ELMO3: variants seen among roughly 807,000 people sequenced by gnomAD.
ELMO3 encodes the protein engulfment and cell motility 3, also known as engulfment and cell motility protein 3.
In ELMO3, 81 loss-of-function variants were observed where a neutral mutation model predicts 89.0. That is an observed-to-expected ratio of 0.91 (90% CI 0.76 to 1.09). The LOEUF (loss-of-function observed/expected upper bound fraction) is 1.09, where lower values mean the gene tolerates loss of function less well. Ranked by LOEUF, ELMO3 falls within the 50% of genes least tolerant of loss-of-function variation. The probability of loss-of-function intolerance (pLI) is 0.00; values close to 1 mark genes in which losing one functional copy is unlikely to be tolerated. For missense variants in ELMO3, 959 were observed against 972.8 expected, an observed-to-expected ratio of 0.99 and a Z score of 0.19; for synonymous variants, 406 against 400.6, an observed-to-expected ratio of 1.01 and a Z score of -0.16.
At chr16:67,199,903 C>A (rs761257083) in intron 3 of ELMO3, 48 bp from the exon 4 acceptor site, 8 of 1,613,434 alleles carry the variant, frequency 5.0e-6, no homozygotes, top group Non-Finnish European at 6.8e-6. Context: ...GTTGATCAGT[C>A]CTCGGAGCCC....
At position 67,202,999 on chromosome 16, in the gene ELMO3, G is replaced by A. The variant is rs764912041; in HGVS notation, c.1670G>A (p.Arg557His). Residue 557 changes from arginine to histidine, a missense_variant, in exon 16 of 20, where the codon CGC (arginine) becomes CAC (histidine). Physicochemically the swap from Arg to His is conservative, Grantham distance 29. Coordinates refer to ENST00000393997, the MANE Select transcript of ELMO3 (RefSeq NM_024712.5). ...TTCCGCAAGATCAGCAGCCGGCGGC[G>A]CCAGGGTCTCTGAATGGGCATGGGC... ...TLFRKISSRRRQDKLWFCCLS... is the reference protein window; with the variant it reads ...TLFRKISSRRHQDKLWFCCLS... The A allele has an allele frequency of 3.1e-6, 5 of 1,605,354 alleles. No homozygotes were observed. Among genetic ancestry groups the A allele is most frequent in the East Asian group, 2.2e-5 (1 of 44,860 alleles).
Position 67,202,010 on chromosome 16 carries a change from C to A in ELMO3, c.1084C>A (p.Pro362Thr). The change falls in exon 12 of 20, where the codon CCC becomes ACC. Residue 362 changes from proline (P) to threonine (T), a missense_variant. Pro to Thr is a conservative substitution (Grantham distance 38). Transcript: ENST00000393997. ...CCCAGCACAGGACCTGGAGCGCGTG[C>A]CCCCCGGTCTGCTGGCCCTGGACAA... ...SNPAQDLERV[P>T]PGLLALDNML... 1 of 1,613,198 alleles carries A rather than the reference C, an allele frequency of 6.2e-7. No individual in the cohort carries two copies. The highest frequency in any genetic ancestry group is 8.5e-7 in the Non-Finnish European group (1 of 1,180,012).
chr16:67,200,388 G>GGAGATGGTGGGTCTTTCT, intron 5 of ELMO3, 27 bp downstream of exon 5: 1 of 1,612,330 alleles, frequency 6.2e-7, no homozygotes, highest in Non-Finnish European at 8.5e-7. Context: ...GTGGGCTGGG[G>GGAGATGGTGGGTCTTTCT]GAGATGGTGG....
At position 67,203,249 on chromosome 16, in the gene ELMO3, G is replaced by A; in HGVS notation, c.1780+26G>A. On this transcript the variant is annotated intron_variant, in intron 17 of 19. Transcript: ENST00000393997. The surrounding 1 kb of genome is among the most constrained non-coding windows in gnomAD (Gnocchi z 4.6). ...GTAAGGCGGGCAGGGGCGGGGGCCA[G>A]ATACCTGCTCTCCCCAGACCGCCCT... The A allele has an allele frequency of 1.9e-6, 3 of 1,596,086 alleles. No individual in the cohort carries two copies. Among genetic ancestry groups the A allele is most frequent in the Non-Finnish European group, 1.7e-6 (2 of 1,175,162 alleles).
intron 1 of ELMO3, 44 bp from the exon 2 acceptor site, chr16:67,199,509 A>G: frequency 2.2e-6 from 1 of 457,702 alleles, no homozygotes; most frequent in Non-Finnish European, 3.3e-6. Context: ...GCTCCTCCCC[A>G]TCCCTCCCTG....
At position 67,199,750 on chromosome 16, in the gene ELMO3, C is replaced by A; in HGVS notation, c.186C>A (p.Thr62=). Residue 62 remains threonine, a synonymous_variant, in exon 3 of 20, where the codon ACC becomes ACA. Transcript: ENST00000393997. The part of the protein sequence containing the change: ...QFADGHRRYI[T]ENNRAEIKNG... ...CGGATGGGCACCGGAGATACATCAC[C>A]GAGAATGTGAGTCCCCTCTCCCCAG... is the stretch of plus-strand genomic sequence containing the variant. 2 of 1,611,062 alleles carry A rather than the reference C, an allele frequency of 1.2e-6. No individual in the cohort carries two copies. The highest frequency in any genetic ancestry group is 8.5e-7 in the Non-Finnish European group (1 of 1,179,630).
chr16:67,202,782 C>T lies in ELMO3; in HGVS notation c.1554C>T (p.Pro518=), dbSNP rs1157495860. The change falls in exon 15 of 20, where the codon CCC becomes CCT. Residue 518 remains proline (P), a synonymous_variant. Transcript: ENST00000393997. ...ERLHQEGTLA[P]PILELREKLK... The stretch of plus-strand genomic sequence containing the variant: ...TGCACCAGGAGGGCACACTGGCTCC[C>T]CCTATACTGTGAGTCTGGGGGGATG... 2 of 1,613,336 alleles carry T rather than the reference C, an allele frequency of 1.2e-6. No homozygotes were observed. The highest frequency in any genetic ancestry group is 1.7e-5 in the Admixed American group (1 of 60,008).
At position 67,199,194 on chromosome 16, in the gene ELMO3, C is replaced by A. The variant is rs767577798; in HGVS notation, c.-133C>A. 6.2e-7 allele frequency: 1 copy of A among 1,610,948 alleles called. No homozygotes were observed. ...TGGCCAGGAGCAGCAGTCTGGGCCG[C>A]GAGTGCGGGACACCGAGGTCAGGTC... On this transcript the variant is annotated 5_prime_UTR_variant, in exon 1 of 20. Transcript: ENST00000393997.
Position 67,201,631 on chromosome 16 carries a change from C to G in ELMO3, c.907C>G (p.Pro303Ala), listed in dbSNP as rs774323005. The G allele has an allele frequency of 6.2e-7, 1 of 1,612,688 alleles. No homozygotes were observed. Among genetic ancestry groups the G allele is most frequent in the South Asian group, 1.1e-5 (1 of 91,068 alleles). ...LEPRMRTPLD[P>A]YSQEQREQLQ... is the part of the protein sequence containing the mutation. ...GCCGCGCATGCGGACGCCCCTGGAC[C>G]CCTACAGCCAGGTGTGTGTCTTTGG... Residue 303 changes from proline to alanine, a missense_variant, in exon 10 of 20, where the codon CCC (proline) becomes GCC (alanine). Pro to Ala is a conservative substitution (Grantham distance 27, BLOSUM62 -1). Transcript: ENST00000393997.
Position 67,199,217 on chromosome 16 carries a change from G to T in ELMO3, c.-110G>T. ...CGCGAGTGCGGGACACCGAGGTCAG[G>T]TCTCGGAAAGGGAGGACCTCCTCGT... On this transcript the variant is annotated 5_prime_UTR_variant, in exon 1 of 20. Transcript: ENST00000393997. 6.2e-7 allele frequency: 1 copy of T among 1,611,370 alleles called. No individual in the cohort carries two copies. The highest frequency in any genetic ancestry group is 8.5e-7 in the Non-Finnish European group (1 of 1,179,510).
At position 67,202,385 on chromosome 16, in the gene ELMO3, C is replaced by T; in HGVS notation, c.1262-12C>T. On this transcript the variant is annotated splice_polypyrimidine_tract_variant and intron_variant, in intron 13 of 19. Transcript: ENST00000393997. ...ACTTTCTCCCTGAGCCCCTCCTGCC[C>T]CCCCACTCCAGGCTCTGAGACAGCC... is the stretch of plus-strand genomic sequence containing the variant. 1 of 1,613,784 alleles carries T rather than the reference C, an allele frequency of 6.2e-7. No individual in the cohort carries two copies. Among genetic ancestry groups the T allele is most frequent in the Non-Finnish European group, 8.5e-7 (1 of 1,180,018 alleles).
rs1295691326 is a variant in ELMO3, at chr16:67,200,258, C to T, written c.310C>T (p.Leu104=). 1 of 1,613,666 alleles carries T rather than the reference C, an allele frequency of 6.2e-7. No individual in the cohort carries two copies. Among genetic ancestry groups the T allele is most frequent in the African/African-American group, 1.3e-5 (1 of 74,942 alleles). ...SNSPEGRREA[L]RRLVPLASDM... ...CAGTCCTGAAGGGCGCCGGGAAGCC[C>T]TGAGGCGCCTTGTTCCGCTGGCCTC... Residue 104 remains leucine (L), a synonymous_variant, in exon 5 of 20, where the codon CTG becomes TTG. Transcript: ENST00000393997.
At position 67,199,338 on chromosome 16, in the gene ELMO3, G is replaced by A. The variant is rs1017049307; in HGVS notation, c.12G>A (p.Pro4=). 1.9e-6 allele frequency: 3 copies of A among 1,611,128 alleles called. No individual in the cohort carries two copies. Among genetic ancestry groups the A allele is most frequent in the Non-Finnish European group, 2.5e-6 (3 of 1,179,240 alleles). The part of the protein sequence containing the change: MAP[P]RNVVKIAIKM... ...GTCCCAGCTGGACCATGGCGCCTCC[G>A]CGGAACGTGGTGAAGATTGCCATCA... Residue 4 remains proline (P), a synonymous_variant, in exon 1 of 20, where the codon CCG becomes CCA. Coordinates refer to ENST00000393997, the MANE Select transcript of ELMO3 (RefSeq NM_024712.5).
In ELMO3 at chr16:67,202,034, A is replaced by G; in HGVS notation, c.1108A>G (p.Asn370Asp). The change falls in exon 12 of 20, where the codon AAC becomes GAC. Residue 370 changes from asparagine (N) to aspartate (D), a missense_variant. By Grantham distance (23) the Asn-to-Asp change is conservative (BLOSUM62 1). Transcript: ENST00000393997. ...RVPPGLLALD[N>D]MLYFSRNAPS... is the part of the protein sequence containing the mutation. ...GCCCCCCGGTCTGCTGGCCCTGGAC[A>G]ACATGTTGTACTTCTCCAGAAACGC... 1 of 1,613,366 alleles carries G rather than the reference A, an allele frequency of 6.2e-7. No individual in the cohort carries two copies. Among genetic ancestry groups the G allele is most frequent in the Non-Finnish European group, 8.5e-7 (1 of 1,180,012 alleles).
chr16:67,203,461 C>T lies in ELMO3; in HGVS notation c.1864-36C>T. On this transcript the variant is annotated intron_variant, in intron 18 of 19. Coordinates refer to ENST00000393997, the MANE Select transcript of ELMO3 (RefSeq NM_024712.5). This position sits in a 1 kb window ranked among gnomAD's most constrained non-coding sequence, Gnocchi z 4.6. ...TCCCACCCGCCCCCGCCTACCCTGTCCCCTGCTCAGTGTCCCCGCTCCCTT... is the reference window on the plus strand; with the variant it reads ...TCCCACCCGCCCCCGCCTACCCTGTTCCCTGCTCAGTGTCCCCGCTCCCTT... 1.4e-6 allele frequency: 2 copies of T among 1,474,102 alleles called. No individual in the cohort carries two copies. Among genetic ancestry groups the T allele is most frequent in the Non-Finnish European group, 1.9e-6 (2 of 1,062,210 alleles). 91.3% of individuals were successfully genotyped at this position (1,474,102 alleles called of 1,614,324 possible).
rs1811422026 is a variant in ELMO3 at position 67,202,537 on chromosome 16, G to A, written c.1398+4G>A. ...TACACAGGAGGACTTCGACAAGGTG[G>A]GTGGGGTGGGAGCTGGGAGGCCTGG... On this transcript the variant is annotated splice_donor_region_variant and intron_variant, in intron 14 of 19. Coordinates refer to ENST00000393997, the MANE Select transcript of ELMO3 (RefSeq NM_024712.5). 6.2e-7 allele frequency: 1 copy of A among 1,612,498 alleles called. No individual in the cohort carries two copies. Among genetic ancestry groups the A allele is most frequent in the Admixed American group, 1.7e-5 (1 of 60,006 alleles).
At chr16:67,200,034 C>T in intron 4 of ELMO3, 33 bp downstream of exon 4, 1 of 1,611,194 alleles carries the variant, frequency 6.2e-7, no homozygotes, top group Non-Finnish European at 8.5e-7. Flanking sequence ...TTCCCCATCC[C>T]TGCCCCTTTG....
intron 8 of ELMO3, 93 bp from the exon 9 acceptor site, chr16:67,201,292 C>T (rs1200746422): frequency 3.9e-6 from 6 of 1,545,672 alleles, no homozygotes; most frequent in African/African-American, 1.4e-5. Context: ...CTCCTGACCT[C>T]GTGATCCGCC....
chr16:67,203,843 A>C lies in ELMO3; in HGVS notation c.2129A>C (p.Asn710Thr). The part of the protein sequence containing the change: ...PPVPPPPTNF[N>T]FCYDCSIAEP ...GTGCCCCCACCCCCCACCAACTTCA[A>C]CTTCTGCTATGACTGCAGCATCGCT... The change falls in exon 20 of 20, where the codon AAC (asparagine) becomes ACC (threonine). Residue 710 changes from asparagine to threonine, a missense_variant. By Grantham distance (65) the Asn-to-Thr change is moderately conservative. Transcript: ENST00000393997. The surrounding 1 kb of genome is among the most constrained non-coding windows in gnomAD (Gnocchi z 4.6). The C allele has an allele frequency of 6.2e-7, 1 of 1,600,170 alleles. No individual in the cohort carries two copies. The highest frequency in any genetic ancestry group is 8.5e-7 in the Non-Finnish European group (1 of 1,173,036).
Sources: allele counts gnomAD v4.1 joint callset, GRCh38; gene constraint gnomAD v4.1.1; non-coding constraint Gnocchi (gnomAD v3.1); transcripts MANE v1.5; gene names NCBI Gene and HGNC (gene_info 2026-07-23, HGNC 2026-07-21).